The following MPV17L variants were observed in gnomAD, a reference collection of about 807,000 sequenced individuals.
MPV17L encodes MPV17 mitochondrial inner membrane protein like.
In MPV17L, 24 loss-of-function variants were observed where a neutral mutation model predicts 25.8. The observed-to-expected ratio is 0.93, with a 90% CI of 0.67 to 1.31. The LOEUF (loss-of-function observed/expected upper bound fraction) is 1.31, where lower values mean the gene tolerates loss of function less well. Among genes scored for constraint, MPV17L ranks in the 50% most tolerant of loss-of-function variants. The pLI is 0.00. For synonymous variants in MPV17L, 102 were observed against 115.3 expected, an observed-to-expected ratio of 0.88 and a Z score of 0.74; for missense variants, 250 against 265.6, an observed-to-expected ratio of 0.94 and a Z score of 0.41.
At chr16:15,405,277 T>C (rs1262043626) in intron 2 of MPV17L, among the ~76,000 whole-genome samples, 1 of 151,598 alleles carries the variant, frequency 6.6e-6, no homozygotes, top group Non-Finnish European at 1.5e-5. Context: ...GTGGCTCCTG[T>C]AATCCTAACC....
intron 1 of MPV17L, among the ~76,000 whole-genome samples, chr16:15,397,440 A>C (rs562115579): frequency 2.0e-5 from 3 of 152,284 alleles, no homozygotes; most frequent in Admixed American, 6.5e-5. Flanking sequence ...GAGGCTGTAA[A>C]ACAGGCTGAT....
chr16:15,400,662 C>A, intron 1 of MPV17L, 125 bp from the exon 2 acceptor site: 1 of 569,698 alleles, frequency 1.8e-6, no homozygotes, highest in Non-Finnish European at 2.8e-6. Flanking sequence ...ACTGTTGGGT[C>A]AGAGGGTCAT....
intron 1 of MPV17L, among the ~76,000 whole-genome samples, chr16:15,398,200 T>C (rs1390607260): frequency 2.0e-5 from 3 of 151,988 alleles, no homozygotes; most frequent in African/African-American, 7.2e-5. Flanking sequence ...CACACCACCA[T>C]GCCCACCTAA....
Position 15,408,058 on chromosome 16 carries a change from C to T in MPV17L, c.537C>T (p.Phe179=). The T allele has an allele frequency of 6.2e-7, 1 of 1,613,468 alleles. No homozygotes were observed. Among genetic ancestry groups the T allele is most frequent in the Non-Finnish European group, 8.5e-7 (1 of 1,179,760 alleles). Reference sequence around the variant, plus strand: ...GTGACGGCACATTCAAGTCAGCTTTCACCATTTTATATACAAAGGGGACCA... The same window carrying T: ...GTGACGGCACATTCAAGTCAGCTTTTACCATTTTATATACAAAGGGGACCA... ...QSGDGTFKSA[F]TILYTKGTSA... Residue 179 remains phenylalanine, a synonymous_variant, in exon 4 of 4, where the codon TTC becomes TTT. Transcript: ENST00000396385.
chr16:15,396,926 C>T (rs1392938162), intron 1 of MPV17L, among the ~76,000 whole-genome samples: 3 of 152,018 alleles, frequency 2.0e-5, no homozygotes, highest in African/African-American at 4.8e-5. Flanking sequence ...AAATCCGACC[C>T]GGGCCTGGGG....
chr16:15,396,678 G>T (rs751784754), intron 1 of MPV17L, among the ~76,000 whole-genome samples: 1 of 152,170 alleles, frequency 6.6e-6, no homozygotes, highest in Non-Finnish European at 1.5e-5. Flanking sequence ...GAAAATCCAC[G>T]CCTGGGGCCC....
At position 15,413,155 on chromosome 16, in the gene MPV17L, T is replaced by C. The variant is rs2050749958; in HGVS notation, c.*5043T>C. ...TTCATCTTCTGAGAGTATTAAAAAG[T>C]TAATGGGTTTTTGTGCCTGAAGATT... On this transcript the variant is annotated 3_prime_UTR_variant, in exon 4 of 4. Transcript: ENST00000396385. 2 of 152,186 alleles carry C rather than the reference T, an allele frequency of 1.3e-5. No individual in the cohort carries two copies. The highest frequency in any genetic ancestry group is 4.8e-5 in the African/African-American group (2 of 41,458). 9.4% of individuals were successfully genotyped at this position (152,186 alleles called of 1,614,324 possible). A position where few individuals can be genotyped will look rare whatever the true frequency, so the allele number is the denominator to read the frequency against.
intron 2 of MPV17L, among the ~76,000 whole-genome samples, chr16:15,401,243 G>T (rs896534128): frequency 1.3e-4 from 20 of 151,030 alleles, no homozygotes; most frequent in Non-Finnish European, 1.2e-4. Context: ...CTCCTGAGTA[G>T]CTGAGACTAC....
chr16:15,402,432 C>T (rs1284630110), intron 2 of MPV17L, among the ~76,000 whole-genome samples: 1 of 152,176 alleles, frequency 6.6e-6, no homozygotes, highest in Non-Finnish European at 1.5e-5. Flanking sequence ...CTATTACCTC[C>T]ACAGCTTCTA....
intron 1 of MPV17L, among the ~76,000 whole-genome samples, chr16:15,399,910 T>G (rs2050618885): frequency 6.6e-6 from 1 of 152,144 alleles, no homozygotes; most frequent in South Asian, 2.1e-4. Context: ...GTTCAAGCGA[T>G]CCTTCTGCCT....
chr16:15,395,933 C>T lies in MPV17L; in HGVS notation c.36C>T (p.Ala12=). 1 of 1,459,802 alleles carries T rather than the reference C, an allele frequency of 6.9e-7. No homozygotes were observed. 90.4% of individuals were successfully genotyped at this position (1,459,802 alleles called of 1,614,324 possible). Residue 12 remains alanine (A), a synonymous_variant, in exon 1 of 4, where the codon GCC becomes GCT. Coordinates refer to ENST00000396385, the MANE Select transcript of MPV17L (RefSeq NM_001128423.2). ...GGTGGCCGGCGTTGTCGCGCGCGGC[C>T]CGGCGCCACCCGTGGCCCACCAACG... is the stretch of plus-strand genomic sequence containing the variant. ...AGWWPALSRA[A]RRHPWPTNVL...
At chr16:15,406,956 A>C (rs2050685770) in intron 2 of MPV17L, among the ~76,000 whole-genome samples, 1 of 150,104 alleles carries the variant, frequency 6.7e-6, no homozygotes, top group Non-Finnish European at 1.5e-5. Context: ...ATAATTCAGC[A>C]GGATGAGGTG....
intron 1 of MPV17L, among the ~76,000 whole-genome samples, chr16:15,397,436 G>A (rs972098028): frequency 2.6e-5 from 4 of 152,190 alleles, no homozygotes; most frequent in Admixed American, 2.6e-4. Flanking sequence ...TCAGGAGGCT[G>A]TAAAACAGGC....
At chr16:15,401,077 TATATATATA>T (rs373245738) in intron 2 of MPV17L, among the ~76,000 whole-genome samples, 2,186 of 46,536 alleles carry the variant, frequency 0.047, 68 homozygotes, top group Non-Finnish European at 0.082. Flanking sequence ...TATATATATA[TATATATATA>T]TTTTTTTTTT....
In MPV17L at chr16:15,408,011, A is replaced by C. The variant is rs748074734; in HGVS notation, c.490A>C (p.Ile164Leu). Residue 164 changes from isoleucine (I) to leucine (L), a missense_variant, in exon 4 of 4, where the codon ATC (isoleucine) becomes CTC (leucine). Coordinates refer to ENST00000396385, the MANE Select transcript of MPV17L (RefSeq NM_001128423.2). Reference sequence around the variant, plus strand: ...CTGTGGTTTTCTCTGGGCCACCTTCATCTGTTTTTCCCAGCAGAGTGGTGA... The same window carrying C: ...CTGTGGTTTTCTCTGGGCCACCTTCCTCTGTTTTTCCCAGCAGAGTGGTGA... ...GVCGFLWATF[I>L]CFSQQSGDGT... 5.0e-6 allele frequency: 8 copies of C among 1,613,816 alleles called. No homozygotes were observed. Among genetic ancestry groups the C allele is most frequent in the African/African-American group, 2.7e-5 (2 of 74,856 alleles).
chr16:15,397,797 C>T (rs2050600252), intron 1 of MPV17L, among the ~76,000 whole-genome samples: 1 of 138,204 alleles, frequency 7.2e-6, no homozygotes, highest in African/African-American at 2.6e-5. Flanking sequence ...CACAAACCAC[C>T]TGGTTGCCTG....
Position 15,395,930 on chromosome 16 carries a change from G to C in MPV17L, c.33G>C (p.Ala11=), listed in dbSNP as rs961730935. MAGWWPALSR[A]ARRHPWPTNV... Reference sequence around the variant, plus strand: ...GCTGGTGGCCGGCGTTGTCGCGCGCGGCCCGGCGCCACCCGTGGCCCACCA... The same window carrying C: ...GCTGGTGGCCGGCGTTGTCGCGCGCCGCCCGGCGCCACCCGTGGCCCACCA... The change falls in exon 1 of 4, where the codon GCG becomes GCC. Residue 11 remains alanine, a synonymous_variant. Transcript: ENST00000396385. The C allele has an allele frequency of 2.1e-6, 3 of 1,440,504 alleles. No homozygotes were observed. The highest frequency in any genetic ancestry group is 3.0e-5 in the African/African-American group (2 of 66,866). 89.2% of individuals were successfully genotyped at this position (1,440,504 alleles called of 1,614,324 possible). A position where few individuals can be genotyped will look rare whatever the true frequency, so the allele number is the denominator to read the frequency against.
rs1447154653 is a variant in MPV17L at position 15,411,930 on chromosome 16, C to T, written c.*3818C>T. On this transcript the variant is annotated 3_prime_UTR_variant, in exon 4 of 4. Transcript: ENST00000396385. Reference sequence around the variant, plus strand: ...AATATAAAAAGTATTAAAGTACTAACAGAAGAAAATTTCCACTGATCACCC... The same window carrying T: ...AATATAAAAAGTATTAAAGTACTAATAGAAGAAAATTTCCACTGATCACCC... The T allele has an allele frequency of 6.6e-6, 1 of 152,172 alleles. No homozygotes were observed. The highest frequency in any genetic ancestry group is 2.4e-5 in the African/African-American group (1 of 41,458). The allele number at this position is 152,172 out of a possible 1,614,324, so 9.4% of individuals were successfully genotyped here. A position where few individuals can be genotyped will look rare whatever the true frequency, so the allele number is the denominator to read the frequency against.
Position 15,410,996 on chromosome 16 carries a change from G to A in MPV17L, c.*2884G>A, listed in dbSNP as rs1192039202. 1.3e-5 allele frequency: 2 copies of A among 152,210 alleles called. No homozygotes were observed. The highest frequency in any genetic ancestry group is 6.5e-5 in the Admixed American group (1 of 15,282). The allele number at this position is 152,210 out of a possible 1,614,324, so 9.4% of individuals were successfully genotyped here. A position where few individuals can be genotyped will look rare whatever the true frequency, so the allele number is the denominator to read the frequency against. The stretch of plus-strand genomic sequence containing the variant: ...GCCTGTAATCCCAGCACTTTGGGAG[G>A]CCGAGGCGGGCAGATCACGAGGTCA... On this transcript the variant is annotated 3_prime_UTR_variant, in exon 4 of 4. Transcript: ENST00000396385.
Sources: allele counts gnomAD v4.1 joint callset (sites outside exome capture counted in the v4.1 genomes callset), GRCh38; gene constraint gnomAD v4.1.1; transcripts MANE v1.5; gene names NCBI Gene and HGNC (gene_info 2026-07-23, HGNC 2026-07-21).